The following TMEM161B variants were observed in gnomAD, a reference collection of about 807,000 sequenced individuals.
The protein encoded by TMEM161B is transmembrane protein 161B.
TMEM161B carries 34 observed loss-of-function variants against 61.8 expected under a neutral mutation model. The ratio of observed to expected loss-of-function variants is 0.55; its 90% confidence interval spans 0.42 to 0.73. The LOEUF (loss-of-function observed/expected upper bound fraction) is 0.73. TMEM161B is among the 30% of genes least tolerant of loss of function. The pLI is 0.00. For synonymous variants in TMEM161B, 167 were observed against 192.8 expected (o/e 0.87, Z 1.11); for missense variants, 456 against 558.5 (o/e 0.82, Z 1.85).
intron 2 of TMEM161B, among the ~76,000 whole-genome samples, chr5:88,239,713 C>T (rs1752420339): frequency 6.6e-6 from 1 of 151,682 alleles, no homozygotes; most frequent in South Asian, 2.1e-4. Flanking sequence ...CAATATTAAA[C>T]ATCAATATGG....
At chr5:88,237,781 GTTAT>G (rs1380032175) in intron 2 of TMEM161B, among the ~76,000 whole-genome samples, 1 of 151,996 alleles carries the variant, frequency 6.6e-6, no homozygotes, top group Non-Finnish European at 1.5e-5. Context: ...AGCAATATGT[GTTAT>G]TTAACAAGAG....
chr5:88,255,131 T>C (rs1754800909), intron 1 of TMEM161B, among the ~76,000 whole-genome samples: 1 of 152,220 alleles, frequency 6.6e-6, no homozygotes, highest in Admixed American at 6.5e-5. Context: ...TGAAACTATG[T>C]ATGTGGAACT....
intron 5 of TMEM161B, 44 bp downstream of exon 5, chr5:88,220,519 T>C (rs1478733490): frequency 8.9e-6 from 13 of 1,458,906 alleles, no homozygotes; most frequent in East Asian, 2.5e-5. Flanking sequence ...TCTAATGGTG[T>C]TATCTGCAAA....
chr5:88,253,511 C>T (rs569668175), intron 1 of TMEM161B, among the ~76,000 whole-genome samples: 2 of 152,216 alleles, frequency 1.3e-5, no homozygotes, highest in South Asian at 2.1e-4. Flanking sequence ...TATACCTACC[C>T]GTACAAAGAC....
At chr5:88,227,002 A>T (rs1267330600) in intron 3 of TMEM161B, among the ~76,000 whole-genome samples, 1 of 151,950 alleles carries the variant, frequency 6.6e-6, no homozygotes, top group Non-Finnish European at 1.5e-5. Context: ...TGTTGCATGC[A>T]TCTGGTCCCA....
chr5:88,206,360 A>C, intron 7 of TMEM161B, 79 bp downstream of exon 7: 2 of 1,174,296 alleles, frequency 1.7e-6, no homozygotes. Context: ...AATTTAAAAC[A>C]GCTATTTATA....
At chr5:88,264,197 A>G (rs1415426007) in intron 1 of TMEM161B, among the ~76,000 whole-genome samples, 3 of 152,128 alleles carry the variant, frequency 2.0e-5, no homozygotes, top group Non-Finnish European at 4.4e-5. Context: ...TAAAAATGCA[A>G]TTCTAATATC....
chr5:88,230,349 A>G (rs113944405), intron 2 of TMEM161B, among the ~76,000 whole-genome samples: 8 of 152,342 alleles, frequency 5.3e-5, no homozygotes, highest in African/African-American at 1.7e-4. Flanking sequence ...ACTGAAATGT[A>G]CGCTGGGGGA....
intron 1 of TMEM161B, among the ~76,000 whole-genome samples, chr5:88,255,336 A>G (rs996921221): frequency 2.0e-5 from 3 of 152,186 alleles, no homozygotes; most frequent in African/African-American, 7.2e-5. Flanking sequence ...TGTGGCCTTC[A>G]CTGGTTTTCT....
chr5:88,265,996 AG>A (rs1288819704), intron 1 of TMEM161B, among the ~76,000 whole-genome samples: 1 of 152,266 alleles, frequency 6.6e-6, no homozygotes, highest in Non-Finnish European at 1.5e-5. Context: ...ATTTTCAAAA[AG>A]GAAAGTGCAA....
At chr5:88,233,385 C>T (rs1561381680) in intron 2 of TMEM161B, among the ~76,000 whole-genome samples, 2 of 152,008 alleles carry the variant, frequency 1.3e-5, no homozygotes, top group Non-Finnish European at 2.9e-5. Context: ...GCAGAGAACA[C>T]CAAATCCAAA....
downstream of TMEM161B, among the ~76,000 whole-genome samples, chr5:88,188,859 G>A (rs537992707): frequency 5.3e-5 from 8 of 152,268 alleles, no homozygotes; most frequent in Non-Finnish European, 8.8e-5. Context: ...ACCTCAGGCC[G>A]GGTCATCAGT....
In TMEM161B at chr5:88,207,127, T is replaced by G; in HGVS notation, c.500A>C (p.Glu167Ala). Residue 167 changes from glutamate to alanine, a missense_variant, in exon 6 of 12, where the codon GAA (glutamate) becomes GCA (alanine). Coordinates refer to ENST00000296595, the MANE Select transcript of TMEM161B (RefSeq NM_153354.5). ...THYFKVEDGG[E>A]RSVCVTFGFF... ...TCCAAAGGTGACACAAACAGATCTT[T>G]CACCACCATCTTCTACTTTAAAATA... The G allele has an allele frequency of 6.2e-7, 1 of 1,613,286 alleles. No individual in the cohort carries two copies. The highest frequency in any genetic ancestry group is 8.5e-7 in the Non-Finnish European group (1 of 1,179,562).
Position 88,203,001 on chromosome 5 carries a change from T to C in TMEM161B, c.875A>G (p.Tyr292Cys). The C allele has an allele frequency of 6.2e-7, 1 of 1,612,086 alleles. No individual in the cohort carries two copies. Among genetic ancestry groups the C allele is most frequent in the Non-Finnish European group, 8.5e-7 (1 of 1,178,388 alleles). Residue 292 changes from tyrosine to cysteine, a missense_variant, in exon 9 of 12, where the codon TAC becomes TGC. Transcript: ENST00000296595. Reference protein sequence around the residue: ...LLWVKPITKDYIMNPPLGKES... With the variant: ...LLWVKPITKDCIMNPPLGKES... ...TTTGCCCAGTGGTGGGTTCATAATGTAGTCTTTGGTGATTGGTTTTACCCA... is the reference window on the plus strand; with the variant it reads ...TTTGCCCAGTGGTGGGTTCATAATGCAGTCTTTGGTGATTGGTTTTACCCA...
intron 2 of TMEM161B, among the ~76,000 whole-genome samples, chr5:88,238,509 T>C (rs887875490): frequency 6.6e-6 from 1 of 152,048 alleles, no homozygotes; most frequent in Non-Finnish European, 1.5e-5. Flanking sequence ...CTATTCAATA[T>C]AGTCACTCCC....
At chr5:88,203,234 T>G (rs1166528401) in intron 8 of TMEM161B, among the ~76,000 whole-genome samples, 159 bp from the exon 9 acceptor site, 1 of 152,174 alleles carries the variant, frequency 6.6e-6, no homozygotes, top group Non-Finnish European at 1.5e-5. Context: ...ATCATTATGA[T>G]TTAACACTGA....
chr5:88,212,938 T>A (rs1342715174), intron 5 of TMEM161B, among the ~76,000 whole-genome samples: 2 of 152,216 alleles, frequency 1.3e-5, no homozygotes, highest in Non-Finnish European at 2.9e-5. Context: ...CTCAAAAAAC[T>A]TTCACAAATT....
At chr5:88,240,567 C>A (rs1752562088) in intron 2 of TMEM161B, among the ~76,000 whole-genome samples, 1 of 151,646 alleles carries the variant, frequency 6.6e-6, no homozygotes, top group Non-Finnish European at 1.5e-5. Context: ...ATGAGGCAAT[C>A]CCAGAACTTT....
At chr5:88,218,371 T>C (rs1748299400) in intron 5 of TMEM161B, among the ~76,000 whole-genome samples, 1 of 151,966 alleles carries the variant, frequency 6.6e-6, no homozygotes, top group African/African-American at 2.4e-5. Context: ...ACTGGTAAAG[T>C]CCCAACACAG....
Sources: allele counts gnomAD v4.1 joint callset (sites outside exome capture counted in the v4.1 genomes callset), GRCh38; gene constraint gnomAD v4.1.1; transcripts MANE v1.5; gene names NCBI Gene and HGNC (gene_info 2026-07-23, HGNC 2026-07-21).